Variants in HOMER3 observed in about 807,000 individuals in gnomAD.
HOMER3 encodes the protein homer scaffold protein 3, also known as homer protein homolog 3.
HOMER3 carries 34 observed loss-of-function variants against 45.5 expected under a neutral mutation model. The observed-to-expected ratio is 0.75, with a 90% CI of 0.57 to 1.00. HOMER3 has a LOEUF of 1.00. HOMER3 is among the 50% of genes least tolerant of loss of function. The pLI is 0.00. For synonymous variants in HOMER3, 223 were observed against 208.8 expected (o/e 1.07, Z -0.58); for missense variants, 480 against 497.5 (o/e 0.96, Z 0.33).
At chr19:18,933,081 A>G in intron 5 of HOMER3, 36 bp from the exon 6 acceptor site, 1 of 1,455,750 alleles carries the variant, frequency 6.9e-7, no homozygotes, top group South Asian at 1.5e-5. Context: ...ACGACCCCAC[A>G]TCAGCTGGGA....
In HOMER3 at chr19:18,938,872, G is replaced by A; in HGVS notation, c.27C>T (p.Ile9=). The change falls in exon 3 of 10, where the codon ATC becomes ATT. Residue 9 remains isoleucine, a synonymous_variant. Transcript: ENST00000392351. MSTAREQP[I]FSTRAHVFQI... ...GGAACACGTGCGCCCGTGTGCTGAA[G>A]ATTGGCTGCTCCCTGCGTGGGGAGA... is the stretch of plus-strand genomic sequence containing the variant. 1 of 1,605,066 alleles carries A rather than the reference G, an allele frequency of 6.2e-7. No homozygotes were observed. The highest frequency in any genetic ancestry group is 8.5e-7 in the Non-Finnish European group (1 of 1,176,020).
chr19:18,937,259 CAT>C (rs2057102678), intron 4 of HOMER3, among the ~76,000 whole-genome samples: 1 of 129,248 alleles, frequency 7.7e-6, no homozygotes, highest in African/African-American at 2.8e-5. Context: ...TGCAGTGAGC[CAT>C]GATTGCACTG....
intron 4 of HOMER3, among the ~76,000 whole-genome samples, chr19:18,935,200 C>T (rs889352736): frequency 7.0e-6 from 1 of 142,870 alleles, no homozygotes; most frequent in African/African-American, 2.6e-5. Context: ...AGTGCAGTGG[C>T]ACCATCTCAG....
rs745320504 is a variant in HOMER3 at position 18,929,509 on chromosome 19, G to A, written c.1020C>T (p.Asp340=). 11 of 1,584,340 alleles carry A rather than the reference G, an allele frequency of 6.9e-6. No individual in the cohort carries two copies. Among genetic ancestry groups the A allele is most frequent in the Admixed American group, 1.8e-5 (1 of 56,970 alleles). ...AEVGRAAQLL[D]VSLFELSELR... is the part of the protein sequence containing the mutation. ...GCTCACTCAGCTCAAACAGGCTGACGTCCAGCAGCTGCGCTGCCCGGCCCA... is the reference window on the plus strand; with the variant it reads ...GCTCACTCAGCTCAAACAGGCTGACATCCAGCAGCTGCGCTGCCCGGCCCA... Residue 340 remains aspartate (D), a synonymous_variant, in exon 10 of 10, where the codon GAC becomes GAT. Transcript: ENST00000392351.
Position 18,938,791 on chromosome 19 carries a change from A to T in HOMER3, c.108T>A (p.Thr36=). ...GGGTGGCATCGTAGAAATAGGAGAC[A>T]GTGAGTGCGTGCTTGCCCGCTGGGA... ...NWIPAGKHAL[T]VSYFYDATRN... Residue 36 remains threonine, a synonymous_variant, in exon 3 of 10, where the codon ACT becomes ACA. Coordinates refer to ENST00000392351, the MANE Select transcript of HOMER3 (RefSeq NM_004838.4). 6.2e-7 allele frequency: 1 copy of T among 1,600,452 alleles called. No individual in the cohort carries two copies. Among genetic ancestry groups the T allele is most frequent in the South Asian group, 1.1e-5 (1 of 88,486 alleles).
At chr19:18,934,274 G>C in intron 5 of HOMER3, 29 bp downstream of exon 5, 6 of 1,300,196 alleles carry the variant, frequency 4.6e-6, no homozygotes, top group Non-Finnish European at 6.1e-6. Flanking sequence ...AGGTGCCCAG[G>C]CAGGCATAGG....
chr19:18,934,030 T>G (rs2057065896), intron 5 of HOMER3, among the ~76,000 whole-genome samples: 1 of 152,094 alleles, frequency 6.6e-6, no homozygotes, highest in Non-Finnish European at 1.5e-5. Context: ...CAATTTCTAG[T>G]CTTCCATCCT....
At position 18,929,438 on chromosome 19, in the gene HOMER3, C is replaced by T; in HGVS notation, c.*5G>A. 1 of 1,588,774 alleles carries T rather than the reference C, an allele frequency of 6.3e-7. No individual in the cohort carries two copies. The highest frequency in any genetic ancestry group is 2.2e-5 in the East Asian group (1 of 44,508). On this transcript the variant is annotated 3_prime_UTR_variant, in exon 10 of 10. Transcript: ENST00000392351. ...CGGAATCGTTCATAGAAAACCAGCC[C>T]CGGCTCAGGGCGCAGCCTCAGCCAG... is the stretch of plus-strand genomic sequence containing the variant.
chr19:18,938,232 CT>C, intron 4 of HOMER3, 120 bp downstream of exon 4: 2 of 1,134,912 alleles, frequency 1.8e-6, no homozygotes, highest in Non-Finnish European at 1.3e-6. Context: ...TCAACTCATC[CT>C]ACAATCCCAT....
Position 18,934,294 on chromosome 19 carries a change from A to G in HOMER3, c.411+9T>C. On this transcript the variant is annotated intron_variant, in intron 5 of 9. Transcript: ENST00000392351. ...CCCAGGCAGGCATAGGGGAGTAGGG[A>G]GTGCTGACCTGGTGGGAGGCGAGCC... 1 of 1,465,432 alleles carries G rather than the reference A, an allele frequency of 6.8e-7. No individual in the cohort carries two copies. The highest frequency in any genetic ancestry group is 9.1e-7 in the Non-Finnish European group (1 of 1,097,464). 90.8% of individuals were successfully genotyped at this position (1,465,432 alleles called of 1,614,324 possible). A position where few individuals can be genotyped will look rare whatever the true frequency, so the allele number is the denominator to read the frequency against.
In HOMER3 at chr19:18,937,308, T is replaced by TA. The variant is rs535744160; in HGVS notation, c.303+1044dup. ...CCTGGACAGCAGAGCAAGATCTTGTTAAAAAAAAAAAAAAAAAGAAGGGAG... is the reference window on the plus strand; with the variant it reads ...CCTGGACAGCAGAGCAAGATCTTGTTAAAAAAAAAAAAAAAAAAGAAGGGAG... On this transcript the variant is annotated intron_variant, in intron 4 of 9. Coordinates refer to ENST00000392351, the MANE Select transcript of HOMER3 (RefSeq NM_004838.4). Among the ~76,000 whole-genome samples, 721 of 82,254 alleles carry TA rather than the reference T, an allele frequency of 8.8e-3. 16 individuals are homozygous for TA. The highest frequency in any genetic ancestry group is 0.034 in the African/African-American group (602 of 17,762). 54.0% of individuals were successfully genotyped at this position (82,254 alleles called of 152,430 possible).
Position 18,929,552 on chromosome 19 carries a change from T to C in HOMER3, c.977A>G (p.Glu326Gly). Residue 326 changes from glutamate to glycine, a missense_variant, in exon 10 of 10, where the codon GAG becomes GGG. Glu to Gly is a moderately conservative substitution (Grantham distance 98, BLOSUM62 -2). Transcript: ENST00000392351. Reference sequence around the variant, plus strand: ...CCGGCCCACCTCAGCCCGCGCCCGCTCCCGCTCTGCCCGTGCCTCCTCCAG... The same window carrying C: ...CCGGCCCACCTCAGCCCGCGCCCGCCCCCGCTCTGCCCGTGCCTCCTCCAG... ...RSLEEARAER[E>G]RARAEVGRAA... is the part of the protein sequence containing the mutation. 6.4e-7 allele frequency: 1 copy of C among 1,553,648 alleles called. No individual in the cohort carries two copies.
intron 4 of HOMER3, among the ~76,000 whole-genome samples, chr19:18,935,152 T>TA (rs1555715207): frequency 3.7e-5 from 4 of 106,738 alleles, no homozygotes; most frequent in Admixed American, 1.1e-4. Flanking sequence ...TTTTTTTTTT[T>TA]GGGGGGGGAC....
chr19:18,938,590 C>A, intron 3 of HOMER3, 106 bp from the exon 4 acceptor site: 7 of 1,508,364 alleles, frequency 4.6e-6, no homozygotes, highest in Non-Finnish European at 6.4e-6. Context: ...TTACTCTGAA[C>A]CCTTTCAGGA....
intron 9 of HOMER3, 75 bp downstream of exon 9, chr19:18,931,250 G>A: frequency 7.8e-7 from 1 of 1,284,716 alleles, no homozygotes; most frequent in Non-Finnish European, 1.1e-6. Context: ...TATCATCTTA[G>A]GTAGATATTG....
chr19:18,935,296 C>A (rs568051128), intron 4 of HOMER3, among the ~76,000 whole-genome samples: 1 of 151,862 alleles, frequency 6.6e-6, no homozygotes, highest in African/African-American at 2.4e-5. Flanking sequence ...CGTGCCACCA[C>A]GCCCAGCTAA....
At chr19:18,937,706 T>G (rs2057109019) in intron 4 of HOMER3, among the ~76,000 whole-genome samples, 1 of 147,806 alleles carries the variant, frequency 6.8e-6, no homozygotes, top group African/African-American at 2.5e-5. Flanking sequence ...AAGATCTTCG[T>G]GAAAGCACTC....
chr19:18,940,619 C>G (rs556372083), intron 1 of HOMER3: 19 of 152,422 alleles, frequency 1.2e-4, no homozygotes, highest in African/African-American at 4.6e-4. Context: ...CCTCCTCCAA[C>G]CCCAGGTCGG....
chr19:18,939,138 G>A (rs749567465), intron 1 of HOMER3, 89 bp from the exon 2 acceptor site: 22 of 684,032 alleles, frequency 3.2e-5, no homozygotes, highest in Non-Finnish European at 5.2e-5. Context: ...CACCAGGTGT[G>A]CCCGTCATGG....
Sources: gnomAD v4.1 joint callset for allele counts (sites outside exome capture counted in the v4.1 genomes callset) on GRCh38, gnomAD v4.1.1 for gene constraint, MANE v1.5 for transcripts, NCBI Gene and HGNC (gene_info 2026-07-23, HGNC 2026-07-21) for gene names.